The following DUSP19 variants were observed in gnomAD, a reference collection of about 807,000 sequenced individuals.
DUSP19 encodes dual specificity protein phosphatase 19.
DUSP19 carries 14 observed loss-of-function variants against 16.6 expected under a neutral mutation model. The ratio of observed to expected loss-of-function variants is 0.84; its 90% CI spans 0.56 to 1.32. The LOEUF is 1.32. Among genes scored for constraint, DUSP19 ranks in the 40% most tolerant of loss-of-function variants. The probability of loss-of-function intolerance (pLI) is 0.00; values close to 1 mark genes in which losing one functional copy is unlikely to be tolerated. For synonymous variants in DUSP19, 81 were observed against 90.5 expected (o/e 0.90, Z 0.59); for missense variants, 258 against 255.9 (o/e 1.01, Z -0.06).
At chr2:183,083,433 A>C in intron 1 of DUSP19, 75 bp from the exon 2 acceptor site, 1 of 1,364,918 alleles carries the variant, frequency 7.3e-7, no homozygotes, top group Non-Finnish European at 1.0e-6. Context: ...TAATAACAGA[A>C]TTGCTGTAGA....
intron 2 of DUSP19, among the ~76,000 whole-genome samples, chr2:183,086,316 TCTC>T (rs1335822222): frequency 1.3e-5 from 2 of 152,080 alleles, no homozygotes; most frequent in East Asian, 3.9e-4. Context: ...CTGATACACT[TCTC>T]CTATTTAAGT....
intron 2 of DUSP19, among the ~76,000 whole-genome samples, chr2:183,084,834 G>A (rs992075720): frequency 6.6e-6 from 1 of 152,226 alleles, no homozygotes; most frequent in Admixed American, 6.5e-5. Context: ...TAATGGCTGA[G>A]ATTAAGATTT....
intron 2 of DUSP19, 86 bp downstream of exon 2, chr2:183,083,640 G>T: frequency 8.6e-7 from 1 of 1,158,366 alleles, no homozygotes; most frequent in Non-Finnish European, 1.2e-6. Flanking sequence ...TCCATCTTTG[G>T]TATATTATGG....
chr2:183,090,483 G>T (rs1006798079), intron 3 of DUSP19, among the ~76,000 whole-genome samples: 1 of 152,148 alleles, frequency 6.6e-6, no homozygotes, highest in Non-Finnish European at 1.5e-5. Flanking sequence ...ATAACAATGT[G>T]TATTTGATAT....
At chr2:183,092,126 G>A (rs1699739976) in intron 3 of DUSP19, among the ~76,000 whole-genome samples, 3 of 152,088 alleles carry the variant, frequency 2.0e-5, no homozygotes, top group South Asian at 4.1e-4. Context: ...CCACCCAAAC[G>A]CTGAACTAAG....
chr2:183,095,910 G>C lies in DUSP19; in HGVS notation c.*252G>C. Reference sequence around the variant, plus strand: ...GCTAAGGGAAAATAACAAAGTGTTAGTAATCATTGCTTTCTGTAGAAGAAA... The same window carrying C: ...GCTAAGGGAAAATAACAAAGTGTTACTAATCATTGCTTTCTGTAGAAGAAA... On this transcript the variant is annotated 3_prime_UTR_variant, in exon 4 of 4. Coordinates refer to ENST00000354221, the MANE Select transcript of DUSP19 (RefSeq NM_080876.4). The C allele has an allele frequency of 7.4e-6, 2 of 271,742 alleles. No individual in the cohort carries two copies. The highest frequency in any genetic ancestry group is 1.3e-4 in the East Asian group (2 of 15,786). The allele number at this position is 271,742 out of a possible 1,614,324, so 16.8% of individuals were successfully genotyped here. A position where few individuals can be genotyped will look rare whatever the true frequency, so the allele number is the denominator to read the frequency against.
chr2:183,092,439 G>A (rs899007593), intron 3 of DUSP19, among the ~76,000 whole-genome samples: 2 of 152,082 alleles, frequency 1.3e-5, no homozygotes, highest in Non-Finnish European at 2.9e-5. Context: ...TCCGCTCCAT[G>A]TGTCTATGTG....
chr2:183,078,959 A>T lies in DUSP19; in HGVS notation c.26A>T (p.Lys9Ile). 6.2e-7 allele frequency: 1 copy of T among 1,614,146 alleles called. No individual in the cohort carries two copies. The highest frequency in any genetic ancestry group is 1.1e-5 in the South Asian group (1 of 91,076). Reference protein sequence around the residue: MYSLNQEIKAFSRNNLRKQ... With the variant: MYSLNQEIIAFSRNNLRKQ... ...ATGTACTCCCTTAACCAGGAAATTA[A>T]AGCATTCTCCCGGAATAATCTCAGG... is the stretch of plus-strand genomic sequence containing the variant. The change falls in exon 1 of 4, where the codon AAA becomes ATA. Residue 9 changes from lysine (K) to isoleucine (I), a missense_variant. Transcript: ENST00000354221.
At chr2:183,083,910 T>C (rs1414856241) in intron 2 of DUSP19, among the ~76,000 whole-genome samples, 1 of 152,160 alleles carries the variant, frequency 6.6e-6, no homozygotes, top group Non-Finnish European at 1.5e-5. Flanking sequence ...ACATACCACG[T>C]CTTCTGTAAT....
At chr2:183,094,078 T>C (rs994571104) in intron 3 of DUSP19, among the ~76,000 whole-genome samples, 2 of 152,184 alleles carry the variant, frequency 1.3e-5, no homozygotes, top group Non-Finnish European at 2.9e-5. Context: ...CATAAATATC[T>C]ATAGAAAAGA....
intron 3 of DUSP19, among the ~76,000 whole-genome samples, chr2:183,094,034 C>T (rs1699766415): frequency 6.6e-6 from 1 of 151,946 alleles, no homozygotes; most frequent in Non-Finnish European, 1.5e-5. Context: ...TTTTGCTTTT[C>T]TTATATAGAA....
Position 183,095,796 on chromosome 2 carries a change from G to T in DUSP19, c.*138G>T. On this transcript the variant is annotated 3_prime_UTR_variant, in exon 4 of 4. Coordinates refer to ENST00000354221, the MANE Select transcript of DUSP19 (RefSeq NM_080876.4). ...TTTATGCATAAATGGAGGTCAATTT[G>T]ATTGTCCTGACCTACTGTATAAGTA... 1 of 572,812 alleles carries T rather than the reference G, an allele frequency of 1.7e-6. No individual in the cohort carries two copies. Among genetic ancestry groups the T allele is most frequent in the Non-Finnish European group, 3.1e-6 (1 of 327,546 alleles). 35.5% of individuals were successfully genotyped at this position (572,812 alleles called of 1,614,324 possible). A position where few individuals can be genotyped will look rare whatever the true frequency, so the allele number is the denominator to read the frequency against.
At position 183,095,432 on chromosome 2, in the gene DUSP19, A is replaced by T. The variant is rs753832511; in HGVS notation, c.428A>T (p.Asp143Val). 2.5e-6 allele frequency: 4 copies of T among 1,582,718 alleles called. No homozygotes were observed. In the South Asian group the frequency reaches 3.5e-5, roughly 14 times the overall value. The change falls in exon 4 of 4, where the codon GAT becomes GTT. Residue 143 changes from aspartate (D) to valine (V), a missense_variant and splice_region_variant. By Grantham distance (152) the Asp-to-Val change is radical. Transcript: ENST00000354221. ...TTTTGTTTGTTTTTTTTTTTGTAGG[A>T]TGGAGTGGTTCTTGTTCATTGTAAT... ...FEFIEEAKRK[D>V]GVVLVHCNAG...
intron 1 of DUSP19, among the ~76,000 whole-genome samples, chr2:183,082,813 C>A (rs922465280): frequency 1.5e-5 from 2 of 136,334 alleles, no homozygotes. Context: ...CCCTTTTGTT[C>A]GTTCGTTCGT....
At chr2:183,087,630 C>A (rs1401984091) in intron 3 of DUSP19, among the ~76,000 whole-genome samples, 1 of 152,204 alleles carries the variant, frequency 6.6e-6, no homozygotes, top group Non-Finnish European at 1.5e-5. Flanking sequence ...TATAGTACTT[C>A]AGGCTTGTTA....
intron 3 of DUSP19, among the ~76,000 whole-genome samples, chr2:183,094,543 T>A (rs543339391): frequency 1.3e-5 from 2 of 152,286 alleles, no homozygotes; most frequent in African/African-American, 4.8e-5. Context: ...TCCCATCAGA[T>A]CTATCACATT....
rs2105511166 is a variant in DUSP19 at position 183,099,998 on chromosome 2, A to G, written c.*4340A>G. 1 of 152,154 alleles carries G rather than the reference A, an allele frequency of 6.6e-6. No homozygotes were observed. Among genetic ancestry groups the G allele is most frequent in the Non-Finnish European group, 1.5e-5 (1 of 68,008 alleles). The allele number at this position is 152,154 out of a possible 1,614,324, so 9.4% of individuals were successfully genotyped here. ...ACAGAGTGAGACTCTGACTCAAAAA[A>G]AAAAAAAAAATGTTGGGAAGACACA... is the stretch of plus-strand genomic sequence containing the variant. On this transcript the variant is annotated 3_prime_UTR_variant, in exon 4 of 4. Transcript: ENST00000354221.
chr2:183,095,469 C>T lies in DUSP19; in HGVS notation c.465C>T (p.Ser155=), dbSNP rs373293671. 4 of 1,612,752 alleles carry T rather than the reference C, an allele frequency of 2.5e-6. 1 individual carries two copies. The highest frequency in any genetic ancestry group is 3.4e-6 in the Non-Finnish European group (4 of 1,179,506). ...VVLVHCNAGV[S]RAAAIVIGFL... is the part of the protein sequence containing the mutation. ...TTGTTCATTGTAATGCAGGCGTTTC[C>T]AGGGCTGCTGCAATTGTAATAGGTT... The change falls in exon 4 of 4, where the codon TCC becomes TCT. Residue 155 remains serine, a synonymous_variant. Coordinates refer to ENST00000354221, the MANE Select transcript of DUSP19 (RefSeq NM_080876.4).
Position 183,098,554 on chromosome 2 carries a change from T to C in DUSP19, c.*2896T>C, listed in dbSNP as rs1217784382. 6.6e-6 allele frequency: 1 copy of C among 152,218 alleles called. No individual in the cohort carries two copies. The highest frequency in any genetic ancestry group is 2.4e-5 in the African/African-American group (1 of 41,462). 9.4% of individuals were successfully genotyped at this position (152,218 alleles called of 1,614,324 possible). Reference sequence around the variant, plus strand: ...TACATACACCAAATATAGGTCTGTTTTAAAGGAGAGGAAAAATAGTTCAAG... The same window carrying C: ...TACATACACCAAATATAGGTCTGTTCTAAAGGAGAGGAAAAATAGTTCAAG... On this transcript the variant is annotated 3_prime_UTR_variant, in exon 4 of 4. Coordinates refer to ENST00000354221, the MANE Select transcript of DUSP19 (RefSeq NM_080876.4).
Sources: gnomAD v4.1 joint callset for allele counts (sites outside exome capture counted in the v4.1 genomes callset) on GRCh38, gnomAD v4.1.1 for gene constraint, MANE v1.5 for transcripts, NCBI Gene and HGNC (gene_info 2026-07-23, HGNC 2026-07-21) for gene names.